Variants in GTPBP6 observed in about 807,000 individuals in gnomAD.
The protein encoded by GTPBP6 is GTP binding protein 6.
Under a neutral mutation model 28.9 loss-of-function variants are expected in GTPBP6, and 33 were observed. The observed-to-expected ratio is 1.14, with a 90% CI of 0.87 to 1.53. The LOEUF (loss-of-function observed/expected upper bound fraction) is 1.53. Ranked by LOEUF, GTPBP6 falls within the 40% of genes most tolerant of loss-of-function variation. GTPBP6 has a pLI of 0.00. For synonymous variants in GTPBP6, 231 were observed against 192.7 expected, an observed-to-expected ratio of 1.20 and a Z score of -1.65; for missense variants, 507 against 408.3, an observed-to-expected ratio of 1.24 and a Z score of -2.08.
At position 313,195 on chromosome X, in the gene GTPBP6, C is replaced by T. The variant is rs753794631; in HGVS notation, c.758-271G>A. Among the ~76,000 whole-genome samples, 17 of 152,362 alleles carry T rather than the reference C, an allele frequency of 1.1e-4. No homozygotes were observed. In the South Asian group the frequency reaches 1.4e-3, roughly 13 times the overall value. Reference sequence around the variant, plus strand: ...GGAGAAAGTAAAGGCCAGATCACTACGGAGGCCTCCGAGCGGGACACGGCC... The same window carrying T: ...GGAGAAAGTAAAGGCCAGATCACTATGGAGGCCTCCGAGCGGGACACGGCC... On this transcript the variant is annotated intron_variant, in intron 5 of 9. Transcript: ENST00000326153.
At chrX:314,630 G>C (rs748971244) in intron 4 of GTPBP6, among the ~76,000 whole-genome samples, 1 of 152,042 alleles carries the variant, frequency 6.6e-6, no homozygotes, top group African/African-American at 2.4e-5. Context: ...CCGCCACCAC[G>C]CCCGGCTAAT....
Position 311,921 on chromosome X carries a change from G to A in GTPBP6, c.917-294C>T. 3 of 589,374 alleles carry A rather than the reference G, an allele frequency of 5.1e-6. No homozygotes were observed. In the South Asian group the frequency reaches 5.8e-5, roughly 11 times the overall value. 36.5% of individuals were successfully genotyped at this position (589,374 alleles called of 1,614,324 possible). A position where few individuals can be genotyped will look rare whatever the true frequency, so the allele number is the denominator to read the frequency against. On this transcript the variant is annotated intron_variant, in intron 6 of 9. Coordinates refer to ENST00000326153, the Ensembl canonical transcript of GTPBP6. ...GGAGTGAGGTCGTCTGTGTAGATTTGGCAATGGCGTAGATGGTGGGATGGT... is the reference window on the plus strand; with the variant it reads ...GGAGTGAGGTCGTCTGTGTAGATTTAGCAATGGCGTAGATGGTGGGATGGT...
chrX:310,621 G>A (rs373476809), intron 7 of GTPBP6, among the ~76,000 whole-genome samples: 1,523 of 145,188 alleles, frequency 0.01, 2 homozygotes, highest in African/African-American at 0.041. Context: ...AGACAGAAGA[G>A]GAGACACAGA....
intron 7 of GTPBP6, among the ~76,000 whole-genome samples, chrX:308,498 G>A (rs921876408): frequency 6.6e-6 from 1 of 152,052 alleles, no homozygotes; most frequent in Non-Finnish European, 1.5e-5. Context: ...CTGGGCAAGA[G>A]AGTGAGGCCG....
exon 10 of GTPBP6, chrX:305,101 G>A (rs773765712): frequency 1.9e-6 from 3 of 1,613,258 alleles, no homozygotes; most frequent in Non-Finnish European, 2.5e-6. Flanking sequence ...TCCGGAATTT[G>A]CCGTAGGCTG....
chrX:307,227 A>G, intron 9 of GTPBP6, 133 bp downstream of exon 9: 1 of 759,810 alleles, frequency 1.3e-6, no homozygotes, highest in Non-Finnish European at 2.1e-6. Flanking sequence ...ATGCAAACCC[A>G]TTCATCTCGT....
At chrX:308,981 TC>T (rs1373607704) in intron 7 of GTPBP6, among the ~76,000 whole-genome samples, 1 of 152,038 alleles carries the variant, frequency 6.6e-6, no homozygotes, top group Non-Finnish European at 1.5e-5. Flanking sequence ...CGCCTCAACC[TC>T]CCAAAGTGCT....
At chrX:306,321 ACTGT>A (rs1363462114) in intron 9 of GTPBP6, among the ~76,000 whole-genome samples, 5 of 146,848 alleles carry the variant, frequency 3.4e-5, no homozygotes, top group African/African-American at 1.3e-4. Context: ...GTACATTTTG[ACTGT>A]CAGTGCAGAT....
chrX:308,843 C>G (rs974533268), intron 7 of GTPBP6, among the ~76,000 whole-genome samples: 1 of 150,794 alleles, frequency 6.6e-6, no homozygotes, highest in East Asian at 2.0e-4. Context: ...CAGCCATTCT[C>G]CTGCCTCAGC....
chrX:313,291 C>A (rs2070353203), intron 5 of GTPBP6, among the ~76,000 whole-genome samples: 1 of 152,190 alleles, frequency 6.6e-6, no homozygotes, highest in Admixed American at 6.5e-5. Flanking sequence ...GGGAATGGGA[C>A]CTGATTTGGA....
At chrX:305,975 T>C (rs2070153964) in intron 9 of GTPBP6, among the ~76,000 whole-genome samples, 2 of 151,820 alleles carry the variant, frequency 1.3e-5, no homozygotes, top group Admixed American at 1.3e-4. Context: ...TTGCCCAGCC[T>C]GGCCTCAAAC....
chrX:313,561 G>T (rs762071514), intron 5 of GTPBP6, among the ~76,000 whole-genome samples: 4 of 152,146 alleles, frequency 2.6e-5, no homozygotes, highest in Non-Finnish European at 5.9e-5. Context: ...TGGTCAATGG[G>T]ACCTTATTTG....
intron 5 of GTPBP6, among the ~76,000 whole-genome samples, chrX:313,739 A>T (rs1429187688): frequency 2.0e-5 from 3 of 149,734 alleles, no homozygotes; most frequent in African/African-American, 2.5e-5. Context: ...TGACGCGGCC[A>T]CAAACCCAGG....
At chrX:316,038 GGACA>G (rs2070431563) in intron 2 of GTPBP6, among the ~76,000 whole-genome samples, 1 of 26,116 alleles carries the variant, frequency 3.8e-5, no homozygotes. Flanking sequence ...ATCCCGACAG[GGACA>G]GACACACACA....
Position 305,141 on chromosome X carries a change from GC to G in GTPBP6, c.1483del (p.Ala495ArgfsTer4). ...GCTGATGATGACCCTCACGTCGGCC[GC>G]CCCGTCCTCAGGGATCACGTCCACC... is the stretch of plus-strand genomic sequence containing the variant. On this transcript the variant is annotated frameshift_variant, in exon 10 of 10. Transcript: ENST00000326153. LOFTEE classifies it high-confidence loss of function. 2 of 1,613,482 alleles carry G rather than the reference GC, an allele frequency of 1.2e-6. No homozygotes were observed. Among genetic ancestry groups the G allele is most frequent in the Non-Finnish European group, 1.7e-6 (2 of 1,179,580 alleles).
At chrX:314,431 G>T (rs2070386338) in intron 4 of GTPBP6, among the ~76,000 whole-genome samples, 1 of 152,136 alleles carries the variant, frequency 6.6e-6, no homozygotes, top group Non-Finnish European at 1.5e-5. Flanking sequence ...GGCAGGCAGT[G>T]GGGGCAACGG....
chrX:313,811 T>G (rs776759465), intron 5 of GTPBP6, among the ~76,000 whole-genome samples: 1 of 152,184 alleles, frequency 6.6e-6, no homozygotes, highest in Non-Finnish European at 1.5e-5. Context: ...AGCGCAGCCC[T>G]GTCCTCACCT....
intron 6 of GTPBP6, 195 bp downstream of exon 6, chrX:312,571 G>A (rs769747630): frequency 2.8e-5 from 20 of 711,836 alleles, no homozygotes; most frequent in African/African-American, 7.0e-5. Context: ...CAGGAAACCC[G>A]TCTCCTGGGT....
At chrX:310,620 A>G (rs1409724382) in intron 7 of GTPBP6, among the ~76,000 whole-genome samples, 1 of 148,330 alleles carries the variant, frequency 6.7e-6, no homozygotes, top group Non-Finnish European at 1.5e-5. Flanking sequence ...GAGACAGAAG[A>G]GGAGACACAG....
Sources: allele counts gnomAD v4.1 joint callset (sites outside exome capture counted in the v4.1 genomes callset), GRCh38; gene constraint gnomAD v4.1.1; transcripts MANE v1.5; gene names NCBI Gene and HGNC (gene_info 2026-07-23, HGNC 2026-07-21).